Variants in LRRC4C observed in about 807,000 individuals in gnomAD.
LRRC4C encodes leucine-rich repeat-containing protein 4C.
LRRC4C carries 5 observed loss-of-function variants against 33.6 expected under a neutral mutation model. That is an observed-to-expected ratio of 0.15 (90% CI 0.08 to 0.31). The LOEUF (loss-of-function observed/expected upper bound fraction) is 0.31. LRRC4C is among the 10% of genes least tolerant of loss of function. The probability of loss-of-function intolerance (pLI) is 1.00; values close to 1 mark genes in which losing one functional copy is unlikely to be tolerated. For synonymous variants in LRRC4C, 329 were observed against 302.0 expected, an observed-to-expected ratio of 1.09 and a Z score of -0.93; for missense variants, 560 against 796.7, an observed-to-expected ratio of 0.70 and a Z score of 3.58.
At chr11:40,331,661 G>A (rs1024014399) in intron 3 of LRRC4C, among the ~76,000 whole-genome samples, 2 of 152,124 alleles carry the variant, frequency 1.3e-5, no homozygotes, top group African/African-American at 2.4e-5. Flanking sequence ...TAACCACAAG[G>A]TGGAGGAAGT....
chr11:40,454,501 C>G (rs1207313532), intron 3 of LRRC4C, among the ~76,000 whole-genome samples: 1 of 151,884 alleles, frequency 6.6e-6, no homozygotes, highest in Admixed American at 6.6e-5. Flanking sequence ...CTGCCTTTAT[C>G]TTATGGCACA....
intron 1 of LRRC4C, among the ~76,000 whole-genome samples, chr11:41,026,088 T>C (rs1856330971): frequency 6.6e-6 from 1 of 151,790 alleles, no homozygotes; most frequent in African/African-American, 2.4e-5. Flanking sequence ...ATAATTTTTA[T>C]TTTCAAGTCT....
At chr11:41,252,038 A>C (rs897425665) in intron 1 of LRRC4C, among the ~76,000 whole-genome samples, 1 of 152,218 alleles carries the variant, frequency 6.6e-6, no homozygotes, top group African/African-American at 2.4e-5. Context: ...ATATAAAGAA[A>C]TAAAAAATAT....
At chr11:40,482,588 G>A (rs1300281392) in intron 3 of LRRC4C, among the ~76,000 whole-genome samples, 2 of 151,996 alleles carry the variant, frequency 1.3e-5, no homozygotes, top group East Asian at 3.9e-4. Context: ...TCTCACCTCA[G>A]CCTCCTGAGT....
intron 1 of LRRC4C, among the ~76,000 whole-genome samples, chr11:41,288,352 C>T (rs1053301512): frequency 7.9e-5 from 12 of 152,134 alleles, no homozygotes; most frequent in African/African-American, 2.7e-4. Context: ...TCCTCTATAA[C>T]GGTGACTAGA....
chr11:40,851,022 G>T (rs1284317405), intron 2 of LRRC4C, among the ~76,000 whole-genome samples: 1 of 152,144 alleles, frequency 6.6e-6, no homozygotes, highest in African/African-American at 2.4e-5. Context: ...CTGCTGTGCT[G>T]GCAGTGAGAA....
chr11:40,636,652 A>G (rs1941767682), intron 3 of LRRC4C, among the ~76,000 whole-genome samples: 1 of 152,206 alleles, frequency 6.6e-6, no homozygotes, highest in Admixed American at 6.5e-5. Flanking sequence ...TGGCTACAGT[A>G]TACAACATGT....
chr11:40,452,927 A>G (rs1951954897), intron 3 of LRRC4C, among the ~76,000 whole-genome samples: 1 of 152,064 alleles, frequency 6.6e-6, no homozygotes, highest in African/African-American at 2.4e-5. Context: ...AAACTATCGC[A>G]AGGATAAGAA....
chr11:40,308,211 C>G (rs745379553), intron 4 of LRRC4C, among the ~76,000 whole-genome samples: 1 of 152,214 alleles, frequency 6.6e-6, no homozygotes, highest in African/African-American at 2.4e-5. Flanking sequence ...ACCACACATA[C>G]AGTTGTTTGC....
Position 40,263,383 on chromosome 11 carries a change from C to T in LRRC4C, c.-175-21785G>A, listed in dbSNP as rs563247897. On this transcript the variant is annotated intron_variant, in intron 4 of 6. Coordinates refer to ENST00000528697, the MANE Select transcript of LRRC4C (RefSeq NM_001258419.2). ...CATGAAAAACTATACATTATCTTCC[C>T]TTATCCATTCTCTACTTCACCCTTT... Among the ~76,000 whole-genome samples the T allele has an allele frequency of 2.6e-5, 4 of 152,174 alleles. No individual in the cohort carries two copies. The East Asian group carries it at 7.7e-4, about 29-fold the overall frequency.
At position 40,664,324 on chromosome 11, in the gene LRRC4C, C is replaced by T. The variant is rs192217740; in HGVS notation, c.-406-16046G>A. Among the ~76,000 whole-genome samples, 3 of 152,150 alleles carry T rather than the reference C, an allele frequency of 2.0e-5. No homozygotes were observed. In the East Asian group the frequency reaches 5.8e-4, roughly 29 times the overall value. On this transcript the variant is annotated intron_variant, in intron 2 of 6. Coordinates refer to ENST00000528697, the MANE Select transcript of LRRC4C (RefSeq NM_001258419.2). ...CTTTGAGAGGGAGAGGCAGGTGGATCGCCTGAGGTCAGGAGTTCGAGACCA... is the reference window on the plus strand; with the variant it reads ...CTTTGAGAGGGAGAGGCAGGTGGATTGCCTGAGGTCAGGAGTTCGAGACCA...
chr11:40,280,992 A>G (rs1206437147), intron 4 of LRRC4C, among the ~76,000 whole-genome samples: 1 of 152,190 alleles, frequency 6.6e-6, no homozygotes, highest in Non-Finnish European at 1.5e-5. Flanking sequence ...ACTTGAGAAC[A>G]AAAGAAAGGA....
At chr11:41,083,377 A>G (rs1305041139) in intron 1 of LRRC4C, among the ~76,000 whole-genome samples, 1 of 152,152 alleles carries the variant, frequency 6.6e-6, no homozygotes, top group Non-Finnish European at 1.5e-5. Context: ...TCTTTTTATC[A>G]AAACCTAAGG....
chr11:40,723,831 C>A (rs1284745519), intron 2 of LRRC4C, among the ~76,000 whole-genome samples: 1 of 152,056 alleles, frequency 6.6e-6, no homozygotes, highest in Non-Finnish European at 1.5e-5. Flanking sequence ...TATTAAAAAA[C>A]AGGACTCAAC....
chr11:41,028,570 G>GAC lies in LRRC4C; in HGVS notation c.-495-94849_-495-94848dup, dbSNP rs57827895. Among the ~76,000 whole-genome samples, 446 of 147,424 alleles carry GAC rather than the reference G, an allele frequency of 3.0e-3. 1 individual carries two copies. The highest frequency in any genetic ancestry group is 6.8e-3 in the Middle Eastern group (2 of 292). ...AACAGGACATATTTTTAGTATTCAC[G>GAC]ACACACACACACACACACACACACA... On this transcript the variant is annotated intron_variant, in intron 1 of 6. Transcript: ENST00000528697.
At chr11:41,244,526 G>T (rs1270304563) in intron 1 of LRRC4C, among the ~76,000 whole-genome samples, 2 of 152,138 alleles carry the variant, frequency 1.3e-5, no homozygotes, top group Non-Finnish European at 1.5e-5. Flanking sequence ...AACAGGGAAG[G>T]TTGTGAAGTC....
intron 3 of LRRC4C, among the ~76,000 whole-genome samples, chr11:40,629,710 G>T (rs1433089986): frequency 6.6e-6 from 1 of 152,122 alleles, no homozygotes; most frequent in Non-Finnish European, 1.5e-5. Context: ...AAATGAAATG[G>T]TATTGACCTT....
At chr11:40,546,560 G>T (rs1231423502) in intron 3 of LRRC4C, among the ~76,000 whole-genome samples, 7 of 151,900 alleles carry the variant, frequency 4.6e-5, no homozygotes, top group South Asian at 2.1e-4. Flanking sequence ...TTTCAATTTT[G>T]CAGATGAAAA....
intron 3 of LRRC4C, among the ~76,000 whole-genome samples, chr11:40,497,241 T>A (rs1565447269): frequency 6.6e-6 from 1 of 152,026 alleles, no homozygotes. Context: ...CCGTCTCTAC[T>A]AAAAATACAA....
Sources: gnomAD v4.1 joint callset for allele counts (sites outside exome capture counted in the v4.1 genomes callset) on GRCh38, gnomAD v4.1.1 for gene constraint, MANE v1.5 for transcripts, NCBI Gene and HGNC (gene_info 2026-07-23, HGNC 2026-07-21) for gene names.